The following VRK2 variants were observed in gnomAD, a reference collection of about 807,000 sequenced individuals.
VRK2 encodes VRK serine/threonine kinase 2, also known as serine/threonine-protein kinase VRK2.
VRK2 carries 60 observed loss-of-function variants against 57.6 expected under a neutral mutation model. The observed-to-expected ratio is 1.04, with a 90% CI of 0.85 to 1.29. The LOEUF is 1.29. Among genes scored for constraint, VRK2 ranks in the 50% most tolerant of loss-of-function variants. The probability of loss-of-function intolerance (pLI) is 0.00; values close to 1 mark genes in which losing one functional copy is unlikely to be tolerated. For missense variants in VRK2, 705 were observed against 588.1 expected (o/e 1.20, Z -2.06); for synonymous variants, 231 against 199.2 (o/e 1.16, Z -1.35).
At chr2:58,053,909 T>G (rs531048208) in intron 2 of VRK2, among the ~76,000 whole-genome samples, 3 of 152,228 alleles carry the variant, frequency 2.0e-5, no homozygotes, top group Non-Finnish European at 4.4e-5. Context: ...CTAGAAACTA[T>G]AGTGTTTATG....
intron 2 of VRK2, among the ~76,000 whole-genome samples, chr2:58,051,191 A>G (rs935867544): frequency 3.3e-5 from 5 of 152,136 alleles, no homozygotes; most frequent in African/African-American, 9.7e-5. Context: ...GTTTTACAAT[A>G]TATTTTCAGG....
At chr2:58,119,835 T>C (rs919488626) in intron 7 of VRK2, among the ~76,000 whole-genome samples, 4 of 151,718 alleles carry the variant, frequency 2.6e-5, no homozygotes, top group African/African-American at 9.7e-5. Context: ...TGGATAAAAG[T>C]CCAAACTAGG....
chr2:58,017,149 G>A (rs1456074792), intron 1 of VRK2, among the ~76,000 whole-genome samples: 2 of 152,168 alleles, frequency 1.3e-5, no homozygotes, highest in African/African-American at 2.4e-5. Context: ...GGTAAGAGGT[G>A]TCTTTTGACA....
chr2:57,953,665 C>T (rs1671495025), intron 1 of VRK2, among the ~76,000 whole-genome samples: 1 of 151,902 alleles, frequency 6.6e-6, no homozygotes, highest in South Asian at 2.1e-4. Context: ...ATATAATTCT[C>T]ATTAATATAT....
At chr2:58,154,802 T>C (rs1194653575) in intron 12 of VRK2, 2 of 717,596 alleles carry the variant, frequency 2.8e-6, no homozygotes, top group Non-Finnish European at 5.2e-6. Flanking sequence ...TTTTTTCTAA[T>C]GTAAGTATTC....
At chr2:58,004,588 G>T (rs184440206) in intron 1 of VRK2, among the ~76,000 whole-genome samples, 2 of 152,166 alleles carry the variant, frequency 1.3e-5, no homozygotes, top group Admixed American at 6.5e-5. Context: ...ACAGCCATTT[G>T]TCATTTGTTT....
chr2:58,006,390 G>A (rs984475011), intron 1 of VRK2, among the ~76,000 whole-genome samples: 7 of 152,148 alleles, frequency 4.6e-5, no homozygotes, highest in African/African-American at 1.7e-4. Context: ...TGACTTAGTG[G>A]AAAGAATTCA....
intron 1 of VRK2, among the ~76,000 whole-genome samples, chr2:57,949,090 T>C (rs1287531221): frequency 2.6e-5 from 4 of 151,826 alleles, no homozygotes; most frequent in South Asian, 2.1e-4. Context: ...GGGGCGGGAA[T>C]AGAAGTAGTT....
At chr2:58,037,758 C>T (rs1674322553) in intron 3 of VRK2, among the ~76,000 whole-genome samples, 3 of 152,058 alleles carry the variant, frequency 2.0e-5, no homozygotes, top group South Asian at 4.1e-4. Flanking sequence ...AATAAAGAAA[C>T]TGTTTTCAGA....
chr2:58,076,290 ACAT>A (rs2104044151), intron 2 of VRK2, among the ~76,000 whole-genome samples: 1 of 152,090 alleles, frequency 6.6e-6, no homozygotes, highest in African/African-American at 2.4e-5. Flanking sequence ...AGCCTACTAA[ACAT>A]CATAGTTTAC....
At position 57,942,153 on chromosome 2, in the gene VRK2, A is replaced by G. The variant is rs1178477927; in HGVS notation, c.-439+34314A>G. ...CAAAAACTTTTTAGCAGGGGAAGAA[A>G]AATAAGATTCCAGAAGAGGTTTCCT... On this transcript the variant is annotated intron_variant, in intron 1 of 15. Coordinates refer to the VRK2 transcript ENST00000417641. Among the ~76,000 whole-genome samples, 9 of 152,222 alleles carry G rather than the reference A, an allele frequency of 5.9e-5. No individual in the cohort carries two copies. In the East Asian group the frequency reaches 1.7e-3, roughly 29 times the overall value.
At position 58,159,858 on chromosome 2, in the gene VRK2, C is replaced by T. The variant is rs1573491623; in HGVS notation, c.*165C>T. The T allele has an allele frequency of 1.9e-6, 3 of 1,604,442 alleles. No individual in the cohort carries two copies. Among genetic ancestry groups the T allele is most frequent in the East Asian group, 2.2e-5 (1 of 44,728 alleles). On this transcript the variant is annotated 3_prime_UTR_variant, in exon 13 of 13. Coordinates refer to ENST00000340157, the MANE Select transcript of VRK2 (RefSeq NM_006296.7). ...GTGGACACTCTAAAAAATAAAATTG[C>T]TTTGTACTAGAAATAGTGTCATAGA...
chr2:57,996,729 T>C (rs1672935831), intron 1 of VRK2, among the ~76,000 whole-genome samples: 1 of 152,122 alleles, frequency 6.6e-6, no homozygotes, highest in Non-Finnish European at 1.5e-5. Flanking sequence ...TTTTTTCCAA[T>C]ATTTTTGAAA....
intron 2 of VRK2, among the ~76,000 whole-genome samples, chr2:58,074,615 G>C (rs1279567551): frequency 6.6e-6 from 1 of 151,950 alleles, no homozygotes; most frequent in Non-Finnish European, 1.5e-5. Flanking sequence ...TTATTCATAA[G>C]CTATAATAAC....
chr2:58,149,881 C>G (rs957329174), intron 12 of VRK2, among the ~76,000 whole-genome samples: 1 of 151,294 alleles, frequency 6.6e-6, no homozygotes, highest in African/African-American at 2.4e-5. Flanking sequence ...ATGTGTTTTC[C>G]TGCTGAATTC....
intron 2 of VRK2, among the ~76,000 whole-genome samples, chr2:58,054,731 T>TA (rs1676262615): frequency 6.6e-6 from 1 of 152,166 alleles, no homozygotes; most frequent in African/African-American, 2.4e-5. Context: ...CATCTACACT[T>TA]AAAGGCATTT....
chr2:57,933,896 A>G (rs1023748146), intron 1 of VRK2, among the ~76,000 whole-genome samples: 1 of 151,902 alleles, frequency 6.6e-6, no homozygotes, highest in African/African-American at 2.4e-5. Flanking sequence ...TGTATCTACT[A>G]TAGGTTTGAG....
chr2:58,073,643 T>A (rs1669654454), intron 2 of VRK2, among the ~76,000 whole-genome samples: 2 of 106,776 alleles, frequency 1.9e-5, no homozygotes, highest in Admixed American at 1.0e-4. Flanking sequence ...GGATTATATA[T>A]ATATATATAT....
rs149155455 is a variant in VRK2 at position 58,048,845 on chromosome 2, G to A, written c.14G>A (p.Arg5Lys). The A allele has an allele frequency of 2.5e-6, 4 of 1,613,626 alleles. No homozygotes were observed. Among genetic ancestry groups the A allele is most frequent in the East Asian group, 2.2e-5 (1 of 44,832 alleles). Residue 5 changes from arginine to lysine, a missense_variant, in exon 2 of 13, where the codon AGA (arginine) becomes AAA (lysine). Transcript: ENST00000340157. The part of the protein sequence containing the change: MPPK[R>K]NEKYKLPIPF... Reference sequence around the variant, plus strand: ...CCAACAGAAGTGATGCCACCAAAAAGAAATGAAAAATACAAACTTCCTATT... The same window carrying A: ...CCAACAGAAGTGATGCCACCAAAAAAAAATGAAAAATACAAACTTCCTATT...
Sources: gnomAD v4.1 joint callset for allele counts (sites outside exome capture counted in the v4.1 genomes callset) on GRCh38, gnomAD v4.1.1 for gene constraint, MANE v1.5 for transcripts, NCBI Gene and HGNC (gene_info 2026-07-23, HGNC 2026-07-21) for gene names.